Variants in PAFAH1B1 observed in about 807,000 individuals in gnomAD.
PAFAH1B1 encodes platelet activating factor acetylhydrolase 1b regulatory subunit 1.
Under a neutral mutation model 57.5 loss-of-function variants are expected in PAFAH1B1, and 2 were observed. The ratio of observed to expected loss-of-function variants is 0.03; its 90% confidence interval spans 0.01 to 0.11. The LOEUF (loss-of-function observed/expected upper bound fraction) is 0.11, where lower values mean the gene tolerates loss of function less well. PAFAH1B1 is among the 10% of genes least tolerant of loss of function. PAFAH1B1 has a pLI of 1.00. For synonymous variants in PAFAH1B1, 152 were observed against 169.6 expected, an observed-to-expected ratio of 0.90 and a Z score of 0.81; for missense variants, 257 against 512.0, an observed-to-expected ratio of 0.50 and a Z score of 4.81.
chr17:2,673,285 A>G (rs1467595117), intron 7 of PAFAH1B1, among the ~76,000 whole-genome samples: 1 of 152,148 alleles, frequency 6.6e-6, no homozygotes, highest in African/African-American at 2.4e-5. Flanking sequence ...TTTCTGTGTA[A>G]TGGCTTATTT....
intron 1 of PAFAH1B1, among the ~76,000 whole-genome samples, chr17:2,633,401 CAG>C (rs1463727139): frequency 6.6e-6 from 1 of 151,740 alleles, no homozygotes; most frequent in Non-Finnish European, 1.5e-5. Context: ...CTCCTGACCT[CAG>C]GTAATCCACC....
intron 2 of PAFAH1B1, among the ~76,000 whole-genome samples, chr17:2,648,762 A>T (rs7215780): frequency 0.74 from 104,806 of 142,070 alleles, 36,957 homozygotes; most frequent in East Asian, 0.85. Context: ...CCTGATGGTT[A>T]AAAAAAAAAA....
At chr17:2,610,048 T>C (rs2068250229) in intron 1 of PAFAH1B1, among the ~76,000 whole-genome samples, 1 of 152,236 alleles carries the variant, frequency 6.6e-6, no homozygotes, top group South Asian at 2.1e-4. Flanking sequence ...GGTCTTGAAC[T>C]CCTGGCCTCA....
At chr17:2,594,627 C>G (rs999003087) in intron 1 of PAFAH1B1, among the ~76,000 whole-genome samples, 1 of 152,216 alleles carries the variant, frequency 6.6e-6, no homozygotes. Flanking sequence ...GCGGTCCAGC[C>G]TCAGCACCCG....
At chr17:2,613,523 G>T in intron 1 of PAFAH1B1, 1 of 257,744 alleles carries the variant, frequency 3.9e-6, no homozygotes. Context: ...CAGGCGCCTG[G>T]CCACCTGGGC....
rs528153116 is a variant in PAFAH1B1, at chr17:2,683,647, C to G, written c.*1845C>G. 3 of 152,512 alleles carry G rather than the reference C, an allele frequency of 2.0e-5. No individual in the cohort carries two copies. The highest frequency in any genetic ancestry group is 4.4e-5 in the Non-Finnish European group (3 of 68,028). The allele number at this position is 152,512 out of a possible 1,614,324, so 9.4% of individuals were successfully genotyped here. A position where few individuals can be genotyped will look rare whatever the true frequency, so the allele number is the denominator to read the frequency against. ...GAGAACTAATGGCTATTTTTGAGGA[C>G]AAAAATTACATCTTAAGCTAATTCC... On this transcript the variant is annotated 3_prime_UTR_variant, in exon 11 of 11. Coordinates refer to ENST00000397195, the MANE Select transcript of PAFAH1B1 (RefSeq NM_000430.4).
At chr17:2,636,001 T>C (rs2068619645) in intron 1 of PAFAH1B1, among the ~76,000 whole-genome samples, 1 of 151,076 alleles carries the variant, frequency 6.6e-6, no homozygotes, top group Non-Finnish European at 1.5e-5. Context: ...CACATGCCTG[T>C]ATTCTTAGCT....
chr17:2,616,786 G>A (rs193003695), intron 1 of PAFAH1B1, among the ~76,000 whole-genome samples: 35 of 152,188 alleles, frequency 2.3e-4, no homozygotes, highest in African/African-American at 7.7e-4. Context: ...AGGGCAGACC[G>A]GGTGCAGTGG....
At chr17:2,671,127 T>C (rs2069174541) in intron 6 of PAFAH1B1, among the ~76,000 whole-genome samples, 1 of 152,192 alleles carries the variant, frequency 6.6e-6, no homozygotes, top group African/African-American at 2.4e-5. Flanking sequence ...GGTTGTGTTT[T>C]CTCTGTCCCA....
chr17:2,611,042 G>GTGAC (rs1432416238), intron 1 of PAFAH1B1, among the ~76,000 whole-genome samples: 1 of 152,184 alleles, frequency 6.6e-6, no homozygotes, highest in Admixed American at 6.5e-5. Context: ...ATTTGTGGGA[G>GTGAC]TGACTGTACA....
At chr17:2,638,031 C>CT (rs1201356304) in intron 1 of PAFAH1B1, 68 bp from the exon 2 acceptor site, 1 of 481,938 alleles carries the variant, frequency 2.1e-6, no homozygotes, top group East Asian at 3.1e-5. Context: ...AAAATGAGTA[C>CT]TGTAACTAAT....
At chr17:2,678,456 C>T (rs561878265) in intron 9 of PAFAH1B1, among the ~76,000 whole-genome samples, 30 of 148,888 alleles carry the variant, frequency 2.0e-4, no homozygotes, top group African/African-American at 7.2e-4. Context: ...ATCCCAGCTA[C>T]TCGGGAGGCT....
intron 1 of PAFAH1B1, among the ~76,000 whole-genome samples, chr17:2,618,812 C>T (rs1260820512): frequency 2.0e-5 from 3 of 147,306 alleles, no homozygotes; most frequent in African/African-American, 5.0e-5. Flanking sequence ...CTTGGGAGGC[C>T]GAGGTAGGAG....
chr17:2,595,861 C>G (rs375209796), intron 1 of PAFAH1B1, among the ~76,000 whole-genome samples: 1 of 152,290 alleles, frequency 6.6e-6, no homozygotes. Context: ...GTACCTCCCC[C>G]CACATCCTTT....
At chr17:2,668,302 C>CG (rs1189128266) in intron 5 of PAFAH1B1, among the ~76,000 whole-genome samples, 1 of 149,430 alleles carries the variant, frequency 6.7e-6, no homozygotes, top group East Asian at 1.9e-4. Context: ...CCAGCCTGGG[C>CG]GACAGAGCGA....
Position 2,670,323 on chromosome 17 carries a change from C to G in PAFAH1B1, c.560C>G (p.Thr187Ser), listed in dbSNP as rs753701331. ...WDFQGFECIR[T>S]MHGHDHNVSS... ...TTTCAGGGCTTTGAATGCATCAGAA[C>G]CATGCACGGTAAGGGGTAGAGGATA... Residue 187 changes from threonine to serine, a missense_variant, in exon 6 of 11, where the codon ACC becomes AGC. Physicochemically the swap from Thr to Ser is moderately conservative, Grantham distance 58. Coordinates refer to ENST00000397195, the MANE Select transcript of PAFAH1B1 (RefSeq NM_000430.4). 1 of 1,613,322 alleles carries G rather than the reference C, an allele frequency of 6.2e-7. No individual in the cohort carries two copies. The highest frequency in any genetic ancestry group is 8.5e-7 in the Non-Finnish European group (1 of 1,179,364).
rs2068649387 is a variant in PAFAH1B1, at chr17:2,638,292, G to A, written c.4G>A (p.Val2Met). Reference sequence around the variant, plus strand: ...TAAGCTTGACATTACAGCCAAGATGGTGCTGTCCCAGAGACAACGAGATGA... The same window carrying A: ...TAAGCTTGACATTACAGCCAAGATGATGCTGTCCCAGAGACAACGAGATGA... M[V>M]LSQRQRDELN... is the part of the protein sequence containing the mutation. Residue 2 changes from valine (V) to methionine (M), a missense_variant, in exon 2 of 11, where the codon GTG (valine) becomes ATG (methionine). Physicochemically the swap from Val to Met is conservative, Grantham distance 21 (BLOSUM62 1). Transcript: ENST00000397195. 1 of 1,612,580 alleles carries A rather than the reference G, an allele frequency of 6.2e-7. No homozygotes were observed. Among genetic ancestry groups the A allele is most frequent in the African/African-American group, 1.3e-5 (1 of 74,980 alleles).
chr17:2,664,888 C>G (rs1387509752), intron 2 of PAFAH1B1, among the ~76,000 whole-genome samples: 1 of 152,012 alleles, frequency 6.6e-6, no homozygotes, highest in Non-Finnish European at 1.5e-5. Flanking sequence ...TTCACCCACT[C>G]CAATGGTTCA....
rs529559637 is a variant in PAFAH1B1, at chr17:2,612,210, CTT to C, written c.-191+18219_-191+18220del. ...AATGTGCCATTTTGGGAAAATGGCACTTTTTTTTTTTTTTTTGAGACTGAGTC... is the reference window on the plus strand; with the variant it reads ...AATGTGCCATTTTGGGAAAATGGCACTTTTTTTTTTTTTTGAGACTGAGTC... On this transcript the variant is annotated intron_variant, in intron 1 of 10. Transcript: ENST00000397195. Among the ~76,000 whole-genome samples the C allele has an allele frequency of 4.6e-5, 6 of 130,524 alleles. No individual in the cohort carries two copies. In the South Asian group the frequency reaches 9.8e-4, roughly 21 times the overall value. The allele number at this position is 130,524 out of a possible 152,430, so 85.6% of individuals were successfully genotyped here. A position where few individuals can be genotyped will look rare whatever the true frequency, so the allele number is the denominator to read the frequency against.
Sources: gnomAD v4.1 joint callset for allele counts (sites outside exome capture counted in the v4.1 genomes callset) on GRCh38, gnomAD v4.1.1 for gene constraint, MANE v1.5 for transcripts, NCBI Gene and HGNC (gene_info 2026-07-23, HGNC 2026-07-21) for gene names.